EDNRB: variants seen among roughly 807,000 people sequenced by gnomAD.
EDNRB encodes the protein Hirschsprung disease 2.
In EDNRB, 18 loss-of-function variants were observed where a neutral mutation model predicts 46.4. The ratio of observed to expected loss-of-function variants is 0.39; its 90% CI spans 0.27 to 0.57. The LOEUF (loss-of-function observed/expected upper bound fraction) is 0.57, where lower values mean the gene tolerates loss of function less well. EDNRB is among the 20% of genes least tolerant of loss of function. The pLI, the probability that EDNRB is intolerant of heterozygous loss-of-function variation, is 0.61. For missense variants in EDNRB, 434 were observed against 537.5 expected, an observed-to-expected ratio of 0.81 and a Z score of 1.90; for synonymous variants, 213 against 204.9, an observed-to-expected ratio of 1.04 and a Z score of -0.34.
intron 1 of EDNRB, among the ~76,000 whole-genome samples, chr13:77,936,022 T>A (rs188623004): frequency 6.6e-6 from 1 of 152,192 alleles, no homozygotes; most frequent in Admixed American, 6.5e-5. Context: ...CTATAACAGG[T>A]GAGTGATAAC....
chr13:77,919,500 T>C (rs1274241424), upstream of EDNRB: 2 of 1,612,622 alleles, frequency 1.2e-6, no homozygotes, highest in Non-Finnish European at 8.5e-7. Context: ...GGAGCACGCC[T>C]CCCTTGAGCT....
intron 1 of EDNRB, among the ~76,000 whole-genome samples, chr13:77,913,694 T>C (rs1008961616): frequency 1.3e-5 from 2 of 152,146 alleles, no homozygotes; most frequent in African/African-American, 2.4e-5. Context: ...TTGTTAAATA[T>C]CATTGCCAAA....
At chr13:77,945,701 A>G (rs1880884100) in intron 1 of EDNRB, among the ~76,000 whole-genome samples, 1 of 152,070 alleles carries the variant, frequency 6.6e-6, no homozygotes, top group Non-Finnish European at 1.5e-5. Context: ...AAAAATAAGG[A>G]CACTAGAAAA....
At chr13:77,937,815 G>A (rs180686446) in intron 1 of EDNRB, among the ~76,000 whole-genome samples, 4 of 152,240 alleles carry the variant, frequency 2.6e-5, no homozygotes, top group South Asian at 2.1e-4. Flanking sequence ...ACTCAGTGAC[G>A]CTTGAGGTTG....
At chr13:77,966,372 C>G (rs1427776839) in intron 1 of EDNRB, among the ~76,000 whole-genome samples, 3 of 152,174 alleles carry the variant, frequency 2.0e-5, no homozygotes, top group Non-Finnish European at 4.4e-5. Context: ...CTATACTGTC[C>G]TAACAACAAA....
chr13:77,896,454 G>A lies in EDNRB; in HGVS notation c.*1746C>T. 1 of 1,567,354 alleles carries A rather than the reference G, an allele frequency of 6.4e-7. No individual in the cohort carries two copies. Among genetic ancestry groups the A allele is most frequent in the Non-Finnish European group, 8.7e-7 (1 of 1,154,334 alleles). ...TATGGTGTGTGAATTAATTATTATT[G>A]CTCTTTCTTTCTGGCCACATTGTTG... On this transcript the variant is annotated 3_prime_UTR_variant, in exon 7 of 7. Transcript: ENST00000646607.
At position 77,899,900 on chromosome 13, in the gene EDNRB, C is replaced by T; in HGVS notation, c.1153G>A (p.Ala385Thr). The change falls in exon 6 of 7, where the codon GCT (alanine) becomes ACT (threonine). Residue 385 changes from alanine (A) to threonine (T), a missense_variant. Coordinates refer to ENST00000646607, the MANE Select transcript of EDNRB (RefSeq NM_001122659.3). ...ASLNSCINPI[A>T]LYLVSKRFKN... ...AATCTTTTGCTCACCAAATACAGAGCAATTGGGTTAATGCAGGAATTCAGT... is the reference window on the plus strand; with the variant it reads ...AATCTTTTGCTCACCAAATACAGAGTAATTGGGTTAATGCAGGAATTCAGT... 6.2e-7 allele frequency: 1 copy of T among 1,611,978 alleles called. No individual in the cohort carries two copies. Among genetic ancestry groups the T allele is most frequent in the Non-Finnish European group, 8.5e-7 (1 of 1,178,774 alleles).
Position 77,897,615 on chromosome 13 carries a change from C to T in EDNRB, c.*585G>A. ...GTAATGATTTTCAAAAACAGCCTTG[C>T]TCTTTCTGTTACTCCCTCCTGATCA... On this transcript the variant is annotated 3_prime_UTR_variant, in exon 7 of 7. Coordinates refer to ENST00000646607, the MANE Select transcript of EDNRB (RefSeq NM_001122659.3). 2.0e-6 allele frequency: 2 copies of T among 985,570 alleles called. No individual in the cohort carries two copies. Among genetic ancestry groups the T allele is most frequent in the Non-Finnish European group, 2.4e-6 (2 of 830,114 alleles). The allele number at this position is 985,570 out of a possible 1,614,324, so 61.1% of individuals were successfully genotyped here. A position where few individuals can be genotyped will look rare whatever the true frequency, so the allele number is the denominator to read the frequency against.
intron 1 of EDNRB, among the ~76,000 whole-genome samples, chr13:77,950,572 C>G (rs1256748201): frequency 6.6e-6 from 1 of 152,226 alleles, no homozygotes; most frequent in Admixed American, 6.5e-5. Context: ...GTATGTCTAG[C>G]TCTTTTTCTT....
At chr13:77,969,140 T>G (rs1881658309) in intron 1 of EDNRB, among the ~76,000 whole-genome samples, 1 of 152,186 alleles carries the variant, frequency 6.6e-6, no homozygotes, top group African/African-American at 2.4e-5. Flanking sequence ...AATAACATAA[T>G]TGGATATTTT....
At chr13:77,963,481 C>A (rs981136934) in intron 1 of EDNRB, among the ~76,000 whole-genome samples, 6 of 152,142 alleles carry the variant, frequency 3.9e-5, no homozygotes, top group Non-Finnish European at 8.8e-5. Flanking sequence ...CTACAACAAT[C>A]TGATCTTTGA....
At position 77,897,599 on chromosome 13, in the gene EDNRB, T is replaced by G. The variant is rs200872037; in HGVS notation, c.*601A>C. 198 of 985,544 alleles carry G rather than the reference T, an allele frequency of 2.0e-4. No homozygotes were observed. Among genetic ancestry groups the G allele is most frequent in the Non-Finnish European group, 2.3e-4 (190 of 830,082 alleles). The allele number at this position is 985,544 out of a possible 1,614,324, so 61.0% of individuals were successfully genotyped here. A position where few individuals can be genotyped will look rare whatever the true frequency, so the allele number is the denominator to read the frequency against. ...GGCTTCTAGTGAAAGTGTAATGATT[T>G]TCAAAAACAGCCTTGCTCTTTCTGT... On this transcript the variant is annotated 3_prime_UTR_variant, in exon 7 of 7. Transcript: ENST00000646607.
intron 1 of EDNRB, among the ~76,000 whole-genome samples, chr13:77,917,812 C>T (rs1316246514): frequency 6.6e-6 from 1 of 152,170 alleles, no homozygotes; most frequent in African/African-American, 2.4e-5. Flanking sequence ...CACCAAGTTC[C>T]CAAAGTGATA....
intron 1 of EDNRB, among the ~76,000 whole-genome samples, chr13:77,930,815 G>A (rs1880371780): frequency 6.6e-6 from 1 of 152,206 alleles, no homozygotes; most frequent in African/African-American, 2.4e-5. Context: ...CTAAATGCAT[G>A]CAGTGCCTGA....
chr13:77,916,234 G>T (rs1241718260), intron 1 of EDNRB, among the ~76,000 whole-genome samples: 20 of 152,324 alleles, frequency 1.3e-4, no homozygotes, highest in Non-Finnish European at 1.5e-4. Context: ...TTTGGGAAGA[G>T]ATCTTGTTAG....
chr13:77,944,218 A>C (rs1228159274), intron 1 of EDNRB, among the ~76,000 whole-genome samples: 1 of 152,162 alleles, frequency 6.6e-6, no homozygotes, highest in Non-Finnish European at 1.5e-5. Flanking sequence ...GCTCAGTGTA[A>C]GCAATAATGC....
At chr13:77,965,526 G>A (rs1881556217) in intron 1 of EDNRB, among the ~76,000 whole-genome samples, 1 of 152,142 alleles carries the variant, frequency 6.6e-6, no homozygotes, top group South Asian at 2.1e-4. Flanking sequence ...ATGTAATTCT[G>A]TTATTGTTCA....
chr13:77,919,739 C>T (rs746463397), upstream of EDNRB: 158 of 894,432 alleles, frequency 1.8e-4, no homozygotes, highest in Non-Finnish European at 2.4e-4. Flanking sequence ...GGGCAGTCCT[C>T]GTCCGGGGAC....
chr13:77,961,307 C>T (rs1465769647), intron 1 of EDNRB, among the ~76,000 whole-genome samples: 7 of 152,048 alleles, frequency 4.6e-5, no homozygotes, highest in African/African-American at 1.7e-4. Context: ...ACCTAATAGA[C>T]ATCTACAGAA....
Sources: allele counts gnomAD v4.1 joint callset (sites outside exome capture counted in the v4.1 genomes callset), GRCh38; gene constraint gnomAD v4.1.1; transcripts MANE v1.5; gene names NCBI Gene and HGNC (gene_info 2026-07-23, HGNC 2026-07-21).